Variants in ACP6 observed in about 807,000 individuals in gnomAD.
ACP6 encodes the protein lysophosphatidic acid phosphatase type 6.
ACP6 carries 48 observed loss-of-function variants against 48.1 expected under a neutral mutation model. The ratio of observed to expected loss-of-function variants is 1.00; its 90% CI spans 0.79 to 1.27. ACP6 has a LOEUF of 1.27. ACP6 is among the 50% of genes most tolerant of loss of function. The pLI is 0.00. For missense variants in ACP6, 485 were observed against 529.1 expected (o/e 0.92, Z 0.82); for synonymous variants, 172 against 204.2 (o/e 0.84, Z 1.34).
chr1:147,667,345 G>A (rs1169473241), intron 1 of ACP6, among the ~76,000 whole-genome samples: 3 of 151,856 alleles, frequency 2.0e-5, no homozygotes, highest in Non-Finnish European at 2.9e-5. Context: ...AGCCTCCCGA[G>A]TAGCTGGGAT....
chr1:147,662,685 G>T (rs1162003112), intron 1 of ACP6, among the ~76,000 whole-genome samples: 1 of 152,232 alleles, frequency 6.6e-6, no homozygotes, highest in Non-Finnish European at 1.5e-5. Flanking sequence ...TCCTGGTGAA[G>T]ATAGTGTGAA....
intron 6 of ACP6, 26 bp downstream of exon 6, chr1:147,654,168 C>A (rs782402251): frequency 6.2e-7 from 1 of 1,610,650 alleles, no homozygotes; most frequent in Non-Finnish European, 8.5e-7. Flanking sequence ...GGCTATTATC[C>A]CAGGCTCCCC....
intron 7 of ACP6, chr1:147,650,524 A>C (rs1553210354): frequency 3.2e-6 from 1 of 307,936 alleles, no homozygotes; most frequent in African/African-American, 2.2e-5. Flanking sequence ...AACCTGGATA[A>C]GCCGTGACCA....
chr1:147,659,233 A>C, intron 3 of ACP6, 163 bp downstream of exon 3: 1 of 1,135,224 alleles, frequency 8.8e-7, no homozygotes, highest in Non-Finnish European at 1.2e-6. Flanking sequence ...GACCTCCAGG[A>C]ACGACCTGTT....
rs1472636757 is a variant in ACP6, at chr1:147,645,893, A to G, written c.*1530T>C. 1 of 152,216 alleles carries G rather than the reference A, an allele frequency of 6.6e-6. No homozygotes were observed. Among genetic ancestry groups the G allele is most frequent in the Non-Finnish European group, 1.5e-5 (1 of 68,036 alleles). The allele number at this position is 152,216 out of a possible 1,614,324, so 9.4% of individuals were successfully genotyped here. On this transcript the variant is annotated 3_prime_UTR_variant, in exon 10 of 10. Coordinates refer to ENST00000583509, the MANE Select transcript of ACP6 (RefSeq NM_016361.5). ...TCAGGAAAAAAATTGACAATCCAGA[A>G]AAAAGACACTAGGAGTCAATGTAAA...
rs1659556463 is a variant in ACP6 at position 147,644,612 on chromosome 1, T to C, written c.*2811A>G. On this transcript the variant is annotated 3_prime_UTR_variant, in exon 10 of 10. Coordinates refer to ENST00000583509, the MANE Select transcript of ACP6 (RefSeq NM_016361.5). ...GACTAAGACAGTAGCAATGGAAGTA[T>C]TGGGACATGGTCAATTCTGGATATA... The C allele has an allele frequency of 6.6e-6, 1 of 152,204 alleles. No homozygotes were observed. The highest frequency in any genetic ancestry group is 2.4e-5 in the African/African-American group (1 of 41,430). The allele number at this position is 152,204 out of a possible 1,614,324, so 9.4% of individuals were successfully genotyped here. A position where few individuals can be genotyped will look rare whatever the true frequency, so the allele number is the denominator to read the frequency against.
rs181970393 is a variant in ACP6 at position 147,631,768 on chromosome 1, C to T, written c.461-703G>A. ...GGCGGAGGCTGCAGTGAGCTGAGAT[C>T]GTGCCACTGCACTCCAGCCTGGGCG... On this transcript the variant is annotated intron_variant, in intron 5 of 5. Transcript: ENST00000609196. Among the ~76,000 whole-genome samples, 1,316 of 152,096 alleles carry T rather than the reference C, an allele frequency of 8.7e-3. 12 individuals are homozygous for T. Among genetic ancestry groups the T allele is most frequent in the Non-Finnish European group, 0.015 (987 of 67,980 alleles).
chr1:147,653,009 A>T (rs1435966971), intron 6 of ACP6, among the ~76,000 whole-genome samples: 1 of 152,258 alleles, frequency 6.6e-6, no homozygotes, highest in African/African-American at 2.4e-5. Context: ...TTGTATTTTT[A>T]GTAGAGACGG....
intron 3 of ACP6, 65 bp downstream of exon 3, chr1:147,659,331 C>A: frequency 1.3e-6 from 2 of 1,575,460 alleles, no homozygotes; most frequent in Non-Finnish European, 1.7e-6. Context: ...CTTGGGGAGT[C>A]AGGACAGGTA....
rs782151151 is a variant in ACP6, at chr1:147,658,989, A to G, written c.530T>C (p.Leu177Pro). 1 of 1,612,796 alleles carries G rather than the reference A, an allele frequency of 6.2e-7. No individual in the cohort carries two copies. Among genetic ancestry groups the G allele is most frequent in the African/African-American group, 1.3e-5 (1 of 75,002 alleles). ...FRNLESTRCL[L>P]AGLFQCQKEG... ...TTTCTGACACTGGAAAAGCCCAGCC[A>G]GCAAACAACGGGTGGACTCCAGATT... The change falls in exon 4 of 10, where the codon CTG (leucine) becomes CCG (proline). Residue 177 changes from leucine (L) to proline (P), a missense_variant. Physicochemically the swap from Leu to Pro is moderately conservative, Grantham distance 98. Coordinates refer to ENST00000583509, the MANE Select transcript of ACP6 (RefSeq NM_016361.5).
At chr1:147,649,844 G>A (rs1659824905) in intron 8 of ACP6, 1 of 419,624 alleles carries the variant, frequency 2.4e-6, no homozygotes, top group Non-Finnish European at 4.2e-6. Flanking sequence ...CTTTGTTTTG[G>A]ACTATTATCA....
At position 147,648,319 on chromosome 1, in the gene ACP6, A is replaced by T; in HGVS notation, c.1070T>A (p.Val357Asp). 2 of 1,614,188 alleles carry T rather than the reference A, an allele frequency of 1.2e-6. No homozygotes were observed. Among genetic ancestry groups the T allele is most frequent in the African/African-American group, 2.7e-5 (2 of 75,034 alleles). ...CTGGTAAAGTTCCATGGTCAGGTCAACAGCAAACGGTGGCCATTTGTGGTC... is the reference window on the plus strand; with the variant it reads ...CTGGTAAAGTTCCATGGTCAGGTCATCAGCAAACGGTGGCCATTTGTGGTC... The part of the protein sequence containing the change: ...IFDHKWPPFA[V>D]DLTMELYQHL... The change falls in exon 9 of 10, where the codon GTT (valine) becomes GAT (aspartate). Residue 357 changes from valine to aspartate, a missense_variant. By Grantham distance (152) the Val-to-Asp change is radical (BLOSUM62 -3). Coordinates refer to ENST00000583509, the MANE Select transcript of ACP6 (RefSeq NM_016361.5).
rs1177050956 is a variant in ACP6, at chr1:147,648,139, AG to A, written c.1143+106del. 3.0e-6 allele frequency: 4 copies of A among 1,345,824 alleles called. No individual in the cohort carries two copies. The East Asian group carries it at 9.3e-5, about 31-fold the overall frequency. 83.4% of individuals were successfully genotyped at this position (1,345,824 alleles called of 1,614,324 possible). A position where few individuals can be genotyped will look rare whatever the true frequency, so the allele number is the denominator to read the frequency against. On this transcript the variant is annotated intron_variant, in intron 9 of 9. Coordinates refer to ENST00000583509, the MANE Select transcript of ACP6 (RefSeq NM_016361.5). Reference sequence around the variant, plus strand: ...AGGATTCAGAGAGCTGACTGTGCCAAGAGAGACTCCACTGGGCCTGAGGAGG... The same window carrying A: ...AGGATTCAGAGAGCTGACTGTGCCAAAGAGACTCCACTGGGCCTGAGGAGG...
chr1:147,654,233 C>T lies in ACP6; in HGVS notation c.741G>A (p.Val247=), dbSNP rs144323712. 5.0e-6 allele frequency: 8 copies of T among 1,614,200 alleles called. No individual in the cohort carries two copies. In the East Asian group the frequency reaches 1.6e-4, roughly 31 times the overall value. Reference sequence around the variant, plus strand: ...CGTTGTCCAGGAGGATGAAGAAGTCCACTTTATCACTACTGTCAATGCCCA... The same window carrying T: ...CGTTGTCCAGGAGGATGAAGAAGTCTACTTTATCACTACTGTCAATGCCCA... ...DRMGIDSSDK[V]DFFILLDNVA... The change falls in exon 6 of 10, where the codon GTG becomes GTA. Residue 247 remains valine, a synonymous_variant. Transcript: ENST00000583509.
Position 147,631,614 on chromosome 1 carries a change from G to T in ACP6, c.461-549C>A, listed in dbSNP as rs145851236. 6.4e-3 allele frequency among the ~76,000 whole-genome samples: 978 copies of T among 152,230 alleles called. 11 individuals are homozygous for T. Among genetic ancestry groups the T allele is most frequent in the African/African-American group, 0.022 (918 of 41,522 alleles). ...GTGGGTCACAAGGTCAAGAGATCGA[G>T]ACCATCCTGGCCAACATGGTGAAAC... On this transcript the variant is annotated intron_variant, in intron 5 of 5. Coordinates refer to the ACP6 transcript ENST00000609196.
In ACP6 at chr1:147,647,288, C is replaced by T; in HGVS notation, c.*135G>A. On this transcript the variant is annotated 3_prime_UTR_variant, in exon 10 of 10. Transcript: ENST00000583509. ...TCAGGAAGAAATCTTAGTAAACCCACAGAAAGGAAATATCCTTACATTATA... is the reference window on the plus strand; with the variant it reads ...TCAGGAAGAAATCTTAGTAAACCCATAGAAAGGAAATATCCTTACATTATA... 1 of 1,077,116 alleles carries T rather than the reference C, an allele frequency of 9.3e-7. No homozygotes were observed. Among genetic ancestry groups the T allele is most frequent in the Non-Finnish European group, 1.3e-6 (1 of 753,758 alleles). 66.7% of individuals were successfully genotyped at this position (1,077,116 alleles called of 1,614,324 possible).
downstream of ACP6, among the ~76,000 whole-genome samples, chr1:147,641,570 G>A (rs1214242193): frequency 6.6e-6 from 1 of 152,204 alleles, no homozygotes; most frequent in Non-Finnish European, 1.5e-5. Flanking sequence ...ACACGGGTGA[G>A]AGCCTCCTGT....
Position 147,669,918 on chromosome 1 carries a change from T to TC in ACP6, c.130dup (p.Asp44GlyfsTer47). The TC allele has an allele frequency of 1.9e-6, 3 of 1,582,960 alleles. No individual in the cohort carries two copies. The highest frequency in any genetic ancestry group is 2.6e-6 in the Non-Finnish European group (3 of 1,163,984). ...CATTTTCAACTTCAGCAGGCTGCGGTCGACCGGACACTGGCCATCGGCCTC... is the reference window on the plus strand; with the variant it reads ...CATTTTCAACTTCAGCAGGCTGCGGTCCGACCGGACACTGGCCATCGGCCTC... On this transcript the variant is annotated frameshift_variant, in exon 1 of 10. Coordinates refer to ENST00000583509, the MANE Select transcript of ACP6 (RefSeq NM_016361.5). LOFTEE classifies it high-confidence loss of function.
chr1:147,635,035 C>G (rs1019464327), intron 5 of ACP6, among the ~76,000 whole-genome samples: 2 of 152,126 alleles, frequency 1.3e-5, no homozygotes, highest in African/African-American at 4.8e-5. Context: ...CAGACTTTTC[C>G]TTTGTTTAAA....
Sources: gnomAD v4.1 joint callset for allele counts (sites outside exome capture counted in the v4.1 genomes callset) on GRCh38, gnomAD v4.1.1 for gene constraint, MANE v1.5 for transcripts, NCBI Gene and HGNC (gene_info 2026-07-23, HGNC 2026-07-21) for gene names.